PTPRN2: variants seen among roughly 807,000 people sequenced by gnomAD.
The protein encoded by PTPRN2 is receptor-type tyrosine-protein phosphatase N2.
A neutral mutation model predicts 118.8 loss-of-function variants in PTPRN2; 74 were observed. The observed-to-expected ratio is 0.62, with a 90% CI of 0.52 to 0.76. The LOEUF is 0.76. Ranked by LOEUF, PTPRN2 falls within the 30% of genes least tolerant of loss-of-function variation. The pLI is 0.00. For missense variants in PTPRN2, 1,481 were observed against 1,394.4 expected (o/e 1.06, Z -0.99); for synonymous variants, 641 against 608.0 (o/e 1.05, Z -0.80).
intron 2 of PTPRN2, among the ~76,000 whole-genome samples, chr7:158,475,311 C>T (rs1387662858): frequency 1.3e-5 from 2 of 150,730 alleles, no homozygotes. Context: ...CCAGCTCCCC[C>T]TGTCTGGGGC....
rs6978493 is a variant in PTPRN2, at chr7:158,343,472, C to A, written c.164-26540G>T. The stretch of plus-strand genomic sequence containing the variant: ...TGTGCTCCGCGGGCAGGAACGTAAC[C>A]TGATGCAGTCGCCGTGGAAAGCACA... On this transcript the variant is annotated intron_variant, in intron 2 of 22. Coordinates refer to ENST00000389418, the MANE Select transcript of PTPRN2 (RefSeq NM_002847.5). 7.6e-4 allele frequency among the ~76,000 whole-genome samples: 116 copies of A among 152,330 alleles called. 2 individuals are homozygous for A. Among genetic ancestry groups the A allele is most frequent in the African/African-American group, 2.3e-3 (96 of 41,578 alleles).
chr7:158,187,764 G>A (rs527544139), intron 5 of PTPRN2, among the ~76,000 whole-genome samples: 21 of 152,262 alleles, frequency 1.4e-4, no homozygotes, highest in African/African-American at 2.6e-4. Flanking sequence ...GAATGACCAC[G>A]GAGCTCATTA....
At chr7:157,547,766 C>T (rs572338517) in intron 22 of PTPRN2, among the ~76,000 whole-genome samples, 127 of 152,338 alleles carry the variant, frequency 8.3e-4, no homozygotes, top group Admixed American at 2.5e-3. Context: ...GACAGTCCTG[C>T]CCCCTGCCCT....
At chr7:158,280,661 T>C (rs1799361966) in intron 3 of PTPRN2, among the ~76,000 whole-genome samples, 1 of 152,178 alleles carries the variant, frequency 6.6e-6, no homozygotes, top group Admixed American at 6.5e-5. Flanking sequence ...CGACACTGCG[T>C]AGAGACGCGG....
chr7:158,157,618 G>C (rs969558475), intron 6 of PTPRN2, among the ~76,000 whole-genome samples: 32 of 152,346 alleles, frequency 2.1e-4, no homozygotes, highest in Admixed American at 7.2e-4. Context: ...GCAGGTCCGA[G>C]GCTGCCAGCC....
At chr7:158,207,356 T>C (rs1404757931) in intron 3 of PTPRN2, among the ~76,000 whole-genome samples, 1 of 151,958 alleles carries the variant, frequency 6.6e-6, no homozygotes, top group Non-Finnish European at 1.5e-5. Context: ...ATGGTATTTC[T>C]AGTTCTAGAT....
At chr7:157,819,444 A>C (rs1404901135) in intron 12 of PTPRN2, among the ~76,000 whole-genome samples, 2 of 152,180 alleles carry the variant, frequency 1.3e-5, no homozygotes, top group Non-Finnish European at 2.9e-5. Flanking sequence ...GCAGAGGAAG[A>C]AGCGCGAGGG....
chr7:158,443,256 G>A (rs1261032303), intron 2 of PTPRN2, among the ~76,000 whole-genome samples: 9 of 152,282 alleles, frequency 5.9e-5, no homozygotes, highest in East Asian at 5.8e-4. Context: ...AGCGGCTCCC[G>A]CGGCTCCAGG....
chr7:157,943,684 T>C (rs566036653), intron 11 of PTPRN2, among the ~76,000 whole-genome samples: 1 of 147,806 alleles, frequency 6.8e-6, no homozygotes, highest in South Asian at 2.2e-4. Flanking sequence ...CCTCCCCAGA[T>C]GCCAAAGCTC....
intron 2 of PTPRN2, among the ~76,000 whole-genome samples, chr7:158,380,108 G>A (rs1274891659): frequency 6.6e-6 from 1 of 152,098 alleles, no homozygotes; most frequent in East Asian, 1.9e-4. Flanking sequence ...GATTTCAGTG[G>A]GGACACAGCC....
intron 12 of PTPRN2, among the ~76,000 whole-genome samples, chr7:157,828,308 G>T (rs1299342937): frequency 6.6e-6 from 1 of 152,202 alleles, no homozygotes; most frequent in Non-Finnish European, 1.5e-5. Context: ...GACTGTAGAT[G>T]CTGAGCTGTG....
At chr7:158,145,886 G>T (rs1819922113) in intron 6 of PTPRN2, among the ~76,000 whole-genome samples, 1 of 152,220 alleles carries the variant, frequency 6.6e-6, no homozygotes, top group African/African-American at 2.4e-5. Context: ...CTTGGCCCCA[G>T]CGCTCATGGT....
At position 157,874,745 on chromosome 7, in the gene PTPRN2, A is replaced by C. The variant is rs1795612922; in HGVS notation, c.1788+23928T>G. On this transcript the variant is annotated intron_variant, in intron 12 of 22. Coordinates refer to ENST00000389418, the MANE Select transcript of PTPRN2 (RefSeq NM_002847.5). The surrounding 1 kb of genome is among the most constrained non-coding windows in gnomAD (Gnocchi z 5.8). ...CACACACAGAGACACACTCATGCAC[A>C]TACACAGACACACACTCATGCACAC... Among the ~76,000 whole-genome samples the C allele has an allele frequency of 6.6e-6, 1 of 150,966 alleles. No individual in the cohort carries two copies.
At chr7:157,834,926 A>C (rs906132282) in intron 12 of PTPRN2, among the ~76,000 whole-genome samples, 15 of 151,818 alleles carry the variant, frequency 9.9e-5, no homozygotes, top group African/African-American at 3.4e-4. Flanking sequence ...CTGTCCGCCT[A>C]CTCCCCGAGC....
chr7:158,336,215 C>G (rs1290214047), intron 2 of PTPRN2, among the ~76,000 whole-genome samples: 6 of 52,962 alleles, frequency 1.1e-4, no homozygotes, highest in African/African-American at 4.3e-4. Context: ...ACCATAAGAG[C>G]CGACGCCCGC....
chr7:158,302,389 CCTG>C (rs1033393636), intron 3 of PTPRN2, among the ~76,000 whole-genome samples: 1 of 152,226 alleles, frequency 6.6e-6, no homozygotes, highest in African/African-American at 2.4e-5. Context: ...TTGGGTCAAC[CCTG>C]AAGGGGAACC....
rs1810292941 is a variant in PTPRN2, at chr7:157,862,204, A to G, written c.1788+36469T>C. Among the ~76,000 whole-genome samples, 5 of 152,214 alleles carry G rather than the reference A, an allele frequency of 3.3e-5. No homozygotes were observed. In the South Asian group the frequency reaches 1.0e-3, roughly 32 times the overall value. On this transcript the variant is annotated intron_variant, in intron 12 of 22. Transcript: ENST00000389418. The stretch of plus-strand genomic sequence containing the variant: ...CCTACTGCAGCACGGTGCCTCCTTC[A>G]CCAAGCGAACTGTGTCTGCAACAGT...
At chr7:158,504,535 T>C (rs947631763) in intron 1 of PTPRN2, among the ~76,000 whole-genome samples, 2 of 152,234 alleles carry the variant, frequency 1.3e-5, no homozygotes, top group Non-Finnish European at 2.9e-5. Context: ...ATCTCACTCT[T>C]TTCTACGGCT....
chr7:157,692,144 G>A (rs1797532956), intron 12 of PTPRN2, among the ~76,000 whole-genome samples: 1 of 152,078 alleles, frequency 6.6e-6, no homozygotes, highest in Admixed American at 6.5e-5. Context: ...CCCCTCCTAG[G>A]CCCCCCTCTC....
Sources: allele counts gnomAD v4.1 joint callset (sites outside exome capture counted in the v4.1 genomes callset), GRCh38; gene constraint gnomAD v4.1.1; non-coding constraint Gnocchi (gnomAD v3.1); transcripts MANE v1.5; gene names NCBI Gene and HGNC (gene_info 2026-07-23, HGNC 2026-07-21).